Variants in LIMA1 observed in about 807,000 individuals in gnomAD.
LIMA1 encodes LIM domain and actin-binding protein 1.
Under a neutral mutation model 62.6 loss-of-function variants are expected in LIMA1, and 52 were observed. The ratio of observed to expected loss-of-function variants is 0.83; its 90% CI spans 0.67 to 1.05. LIMA1 has a LOEUF of 1.05. LIMA1 is among the 50% of genes least tolerant of loss of function. The pLI, the probability that LIMA1 is intolerant of heterozygous loss-of-function variation, is 0.00. For missense variants in LIMA1, 780 were observed against 902.2 expected, an observed-to-expected ratio of 0.86 and a Z score of 1.74; for synonymous variants, 302 against 317.8, an observed-to-expected ratio of 0.95 and a Z score of 0.53.
intron 1 of LIMA1, among the ~76,000 whole-genome samples, chr12:50,254,027 C>CA (rs376086760): frequency 0.65 from 60,551 of 93,558 alleles, 18,643 homozygotes; most frequent in East Asian, 0.88. Context: ...GACTCTGTCT[C>CA]AAAAAAAAAA....
intron 4 of LIMA1, 57 bp downstream of exon 4, chr12:50,221,964 A>G: frequency 6.9e-7 from 1 of 1,456,944 alleles, no homozygotes; most frequent in East Asian, 2.3e-5. Context: ...TTGGAAAAAC[A>G]GCTTTGTTTA....
intron 2 of LIMA1, among the ~76,000 whole-genome samples, chr12:50,238,839 G>A (rs1941733408): frequency 6.6e-6 from 1 of 151,312 alleles, no homozygotes; most frequent in South Asian, 2.1e-4. Context: ...GACAGAGCGA[G>A]GCTCTGTCTC....
chr12:50,270,000 C>T (rs1289156161), intron 1 of LIMA1, among the ~76,000 whole-genome samples: 1 of 150,330 alleles, frequency 6.7e-6, no homozygotes, highest in African/African-American at 2.5e-5. Flanking sequence ...TCTGGGAGGC[C>T]GAGGTGGGCG....
At chr12:50,199,679 T>A (rs529337751) in intron 7 of LIMA1, among the ~76,000 whole-genome samples, 3 of 152,306 alleles carry the variant, frequency 2.0e-5, no homozygotes, top group Admixed American at 2.0e-4. Flanking sequence ...AAGCTTATTA[T>A]TTCCTATGCT....
At chr12:50,257,591 G>A (rs1268790298) in intron 1 of LIMA1, among the ~76,000 whole-genome samples, 3 of 152,206 alleles carry the variant, frequency 2.0e-5, no homozygotes, top group Non-Finnish European at 4.4e-5. Flanking sequence ...CCTCCTCCCT[G>A]CTCTTTCTAC....
In LIMA1 at chr12:50,200,806, C is replaced by T. The variant is rs138610601; in HGVS notation, c.943G>A (p.Val315Ile). ...QKENVPPGPE[V>I]CITHQEGEKI... ...TCCCCTTCCTGATGGGTGATGCAGA[C>T]CTCAGGACCTGGGGGCACATTCTCC... Residue 315 changes from valine (V) to isoleucine (I), a missense_variant, in exon 7 of 11, where the codon GTC becomes ATC. By Grantham distance (29) the Val-to-Ile change is conservative (BLOSUM62 3). Transcript: ENST00000341247. 50 of 1,614,014 alleles carry T rather than the reference C, an allele frequency of 3.1e-5. 1 individual carries two copies. The African/African-American group carries it at 6.7e-4, about 22-fold the overall frequency.
At chr12:50,263,903 G>GTATATA (rs57637973) in intron 1 of LIMA1, among the ~76,000 whole-genome samples, 5 of 137,094 alleles carry the variant, frequency 3.6e-5, no homozygotes, top group East Asian at 2.0e-4. Context: ...TATAAAGTAT[G>GTATATA]TATATATATA....
chr12:50,238,397 C>T (rs1941726348), intron 2 of LIMA1, among the ~76,000 whole-genome samples: 1 of 151,628 alleles, frequency 6.6e-6, no homozygotes, highest in Admixed American at 6.6e-5. Flanking sequence ...ATCCCCGCTA[C>T]TTGGGAGGCT....
At chr12:50,230,647 G>T (rs2138584069) in intron 3 of LIMA1, among the ~76,000 whole-genome samples, 1 of 152,052 alleles carries the variant, frequency 6.6e-6, no homozygotes, top group African/African-American at 2.4e-5. Flanking sequence ...CGTGATCTCG[G>T]CTCACTGCAA....
At chr12:50,179,392 G>T (rs181963133) in intron 10 of LIMA1, among the ~76,000 whole-genome samples, 1 of 150,500 alleles carries the variant, frequency 6.6e-6, no homozygotes, top group African/African-American at 2.4e-5. Flanking sequence ...TGCCCGCCTC[G>T]GCCTCCCAAA....
At chr12:50,234,903 G>T (rs891998150) in intron 2 of LIMA1, among the ~76,000 whole-genome samples, 1 of 151,858 alleles carries the variant, frequency 6.6e-6, no homozygotes, top group Non-Finnish European at 1.5e-5. Flanking sequence ...CCCAGCTACC[G>T]GGGAGGCTGA....
chr12:50,195,933 C>T lies in LIMA1; in HGVS notation c.973-46G>A, dbSNP rs764285167. ...AAAAAGTTAGAGGGGGATTAAGAGT[C>T]ATATTAAAAATAAAAGAGCAAACTG... On this transcript the variant is annotated intron_variant, in intron 7 of 10. Transcript: ENST00000341247. 1.6e-5 allele frequency: 24 copies of T among 1,490,442 alleles called. No homozygotes were observed. The South Asian group carries it at 3.2e-4, about 20-fold the overall frequency. 92.3% of individuals were successfully genotyped at this position (1,490,442 alleles called of 1,614,324 possible).
At chr12:50,231,275 A>T (rs12425229) in intron 3 of LIMA1, among the ~76,000 whole-genome samples, 1 of 151,982 alleles carries the variant, frequency 6.6e-6, no homozygotes, top group South Asian at 2.1e-4. Flanking sequence ...AAAACCCAGA[A>T]GATGACAACA....
At chr12:50,197,361 C>G (rs897971728) in intron 7 of LIMA1, among the ~76,000 whole-genome samples, 2 of 151,656 alleles carry the variant, frequency 1.3e-5, no homozygotes, top group Non-Finnish European at 2.9e-5. Context: ...TGAGCCACCT[C>G]GCCAGGCACA....
intron 3 of LIMA1, chr12:50,224,158 T>G (rs147776999): frequency 2.0e-5 from 3 of 152,350 alleles, no homozygotes; most frequent in African/African-American, 7.2e-5. Context: ...CCTTCTCTCC[T>G]GTAGTCTGTG....
At chr12:50,262,622 GTAAAATAAAATAAAATAAAATAAAA>G (rs10539278) in intron 1 of LIMA1, among the ~76,000 whole-genome samples, 54 of 143,436 alleles carry the variant, frequency 3.8e-4, no homozygotes, top group African/African-American at 1.1e-3. Context: ...AAAAAATAAA[GTAAAATAAAATAAAATAAAATAAAA>G]TAAAATAAAA....
intron 8 of LIMA1, among the ~76,000 whole-genome samples, chr12:50,193,264 A>C (rs1317245154): frequency 1.3e-5 from 2 of 151,812 alleles, no homozygotes; most frequent in Non-Finnish European, 2.9e-5. Flanking sequence ...TTCTAGTCCC[A>C]GAAAAATGAT....
At chr12:50,197,392 C>T (rs75495878) in intron 7 of LIMA1, among the ~76,000 whole-genome samples, 4 of 149,328 alleles carry the variant, frequency 2.7e-5, no homozygotes, top group African/African-American at 9.9e-5. Context: ...TTTTTTTTAA[C>T]AAGCTGAAGT....
At chr12:50,263,214 C>T (rs558293249) in intron 1 of LIMA1, among the ~76,000 whole-genome samples, 2 of 152,150 alleles carry the variant, frequency 1.3e-5, no homozygotes, top group Non-Finnish European at 2.9e-5. Flanking sequence ...AAAATAGAAA[C>T]TATTTTATTT....
Sources: allele counts gnomAD v4.1 joint callset (sites outside exome capture counted in the v4.1 genomes callset), GRCh38; gene constraint gnomAD v4.1.1; transcripts MANE v1.5; gene names NCBI Gene and HGNC (gene_info 2026-07-23, HGNC 2026-07-21).